Variants in ORMDL1 observed in about 807,000 individuals in gnomAD.
The protein encoded by ORMDL1 is ORMDL sphingolipid biosynthesis regulator 1.
In ORMDL1, 10 loss-of-function variants were observed where a neutral mutation model predicts 13.0. That is an observed-to-expected ratio of 0.77 (90% CI 0.47 to 1.30). ORMDL1 has a LOEUF of 1.30. Ranked by LOEUF, ORMDL1 falls within the 50% of genes most tolerant of loss-of-function variation. The pLI, the probability that ORMDL1 is intolerant of heterozygous loss-of-function variation, is 0.00. For synonymous variants in ORMDL1, 61 were observed against 63.9 expected (o/e 0.95, Z 0.22); for missense variants, 171 against 186.7 (o/e 0.92, Z 0.49).
At chr2:189,775,106 T>C (rs2047663603) in intron 4 of ORMDL1, 1 of 153,488 alleles carries the variant, frequency 6.5e-6, no homozygotes, top group Non-Finnish European at 1.4e-5. Context: ...CCCAGGTCTA[T>C]CCTATAATGA....
In ORMDL1 at chr2:189,770,313, G is replaced by A. The variant is rs981669311; in HGVS notation, c.*1454C>T. ...TAATTTTGATGACTAAATTTGGAGG[G>A]CTTTTGAAATAATATTACACCAACG... On this transcript the variant is annotated 3_prime_UTR_variant, in exon 5 of 5. Transcript: ENST00000392349. 1.3e-5 allele frequency: 2 copies of A among 152,006 alleles called. No individual in the cohort carries two copies. The highest frequency in any genetic ancestry group is 4.8e-5 in the African/African-American group (2 of 41,406). 9.4% of individuals were successfully genotyped at this position (152,006 alleles called of 1,614,324 possible).
chr2:189,768,760 A>C (rs1455043491), downstream of ORMDL1, among the ~76,000 whole-genome samples: 1 of 152,186 alleles, frequency 6.6e-6, no homozygotes, highest in East Asian at 1.9e-4. Context: ...AGCATATCTG[A>C]TCACCTCTTG....
chr2:189,776,424 C>T (rs892667473), intron 3 of ORMDL1, among the ~76,000 whole-genome samples: 1 of 152,002 alleles, frequency 6.6e-6, no homozygotes, highest in Non-Finnish European at 1.5e-5. Context: ...TAGAAAAAAA[C>T]CAATCTATAG....
At chr2:189,766,316 T>G (rs1396362743), downstream of ORMDL1, among the ~76,000 whole-genome samples, 1 of 152,252 alleles carries the variant, frequency 6.6e-6, no homozygotes, top group African/African-American at 2.4e-5. Context: ...CAATTTACCA[T>G]TTTGACCATT....
chr2:189,766,117 G>A (rs768398382), downstream of ORMDL1, among the ~76,000 whole-genome samples: 8 of 152,178 alleles, frequency 5.3e-5, no homozygotes, highest in African/African-American at 1.4e-4. Context: ...GAGCCACCAC[G>A]CCCAGCCCAT....
rs1183374048 is a variant in ORMDL1 at position 189,771,543 on chromosome 2, C to T, written c.*224G>A. The T allele has an allele frequency of 2.2e-5, 8 of 369,854 alleles. No individual in the cohort carries two copies. Among genetic ancestry groups the T allele is most frequent in the African/African-American group, 1.7e-4 (8 of 47,354 alleles). The allele number at this position is 369,854 out of a possible 1,614,324, so 22.9% of individuals were successfully genotyped here. ...TAACTTATAAGCTGGGCCTGCCCAG[C>T]CTGCTTATAAAGCCCCTCTTCAGAA... is the stretch of plus-strand genomic sequence containing the variant. On this transcript the variant is annotated 3_prime_UTR_variant, in exon 5 of 5. Coordinates refer to ENST00000392349, the MANE Select transcript of ORMDL1 (RefSeq NM_016467.5).
chr2:189,782,744 T>C, intron 2 of ORMDL1, 142 bp from the exon 3 acceptor site: 1 of 647,394 alleles, frequency 1.5e-6, no homozygotes, highest in Non-Finnish European at 2.6e-6. Flanking sequence ...ATCCAAAATA[T>C]GCTACTTGTA....
At chr2:189,782,345 A>C in intron 3 of ORMDL1, 77 bp downstream of exon 3, 1 of 1,344,922 alleles carries the variant, frequency 7.4e-7, no homozygotes, top group African/African-American at 1.5e-5. Flanking sequence ...ATAACTTTCC[A>C]TTCCTTCCTC....
rs1206375696 is a variant in ORMDL1, at chr2:189,771,733, T to C, written c.*34A>G. ...CACTCCTTCCTTATAAGAAATTCAG[T>C]AGCTGTAAAATTTTTTTTCAGTTTC... On this transcript the variant is annotated 3_prime_UTR_variant, in exon 5 of 5. Transcript: ENST00000392349. 8 of 1,538,878 alleles carry C rather than the reference T, an allele frequency of 5.2e-6. No individual in the cohort carries two copies.
chr2:189,777,249 T>G (rs886861365), intron 3 of ORMDL1, among the ~76,000 whole-genome samples: 4 of 152,204 alleles, frequency 2.6e-5, no homozygotes, highest in Admixed American at 6.5e-5. Context: ...CATTAGACAT[T>G]GGACACTTCC....
downstream of ORMDL1, among the ~76,000 whole-genome samples, chr2:189,768,342 CTA>C (rs1328459401): frequency 6.6e-6 from 1 of 152,204 alleles, no homozygotes; most frequent in Non-Finnish European, 1.5e-5. Flanking sequence ...GTTAGAAAGA[CTA>C]TTAAATTGCA....
chr2:189,780,226 A>C (rs2106155048), intron 3 of ORMDL1, among the ~76,000 whole-genome samples: 1 of 152,366 alleles, frequency 6.6e-6, no homozygotes, highest in South Asian at 2.1e-4. Flanking sequence ...TTTTAATTGC[A>C]ACCTGTCAGG....
chr2:189,766,646 C>T (rs534230210), downstream of ORMDL1, among the ~76,000 whole-genome samples: 75 of 152,188 alleles, frequency 4.9e-4, no homozygotes, highest in Non-Finnish European at 9.4e-4. Context: ...ATCACTTGAA[C>T]CTGGGAGGCA....
chr2:189,780,166 T>G (rs1447589209), intron 3 of ORMDL1, among the ~76,000 whole-genome samples: 1 of 152,116 alleles, frequency 6.6e-6, no homozygotes, highest in Non-Finnish European at 1.5e-5. Context: ...AAAGATAATT[T>G]TATATAGTAT....
Position 189,782,424 on chromosome 2 carries a change from G to A in ORMDL1, c.172C>T (p.Leu58=), listed in dbSNP as rs2047873674. 2 of 1,610,530 alleles carry A rather than the reference G, an allele frequency of 1.2e-6. No individual in the cohort carries two copies. The highest frequency in any genetic ancestry group is 2.7e-5 in the African/African-American group (2 of 74,850). ...AWTLTNIIHN[L]GMYVFLHAVK... ...TTAGTATAATGTGAAATTCTTACCA[G>A]ATTATGTATAATATTTGTTAAAGTC... Residue 58 remains leucine, a splice_region_variant and synonymous_variant, in exon 3 of 5, where the codon CTG becomes TTG. Coordinates refer to ENST00000392349, the MANE Select transcript of ORMDL1 (RefSeq NM_016467.5).
chr2:189,775,755 A>G, intron 3 of ORMDL1, 39 bp from the exon 4 acceptor site: 1 of 1,585,692 alleles, frequency 6.3e-7, no homozygotes, highest in South Asian at 1.1e-5. Context: ...ATCAATATTA[A>G]ATACAAAATT....
chr2:189,775,417 A>AT, intron 4 of ORMDL1, 148 bp downstream of exon 4: 1 of 820,288 alleles, frequency 1.2e-6, no homozygotes, highest in Non-Finnish European at 1.8e-6. Context: ...CTTGTTAAAA[A>AT]TTTTGTCTAT....
downstream of ORMDL1, among the ~76,000 whole-genome samples, chr2:189,768,815 G>C (rs560688208): frequency 2.6e-5 from 4 of 152,126 alleles, no homozygotes; most frequent in East Asian, 7.7e-4. Flanking sequence ...CTGGAACTTA[G>C]AGCAGAATTA....
rs1431474824 is a variant in ORMDL1, at chr2:189,770,985, T to A, written c.*782A>T. 1.3e-5 allele frequency: 2 copies of A among 152,216 alleles called. No homozygotes were observed. The highest frequency in any genetic ancestry group is 2.9e-5 in the Non-Finnish European group (2 of 68,024). The allele number at this position is 152,216 out of a possible 1,614,324, so 9.4% of individuals were successfully genotyped here. ...ATAAGCAGACACCTTTAAATTACCA[T>A]ATATTTTTTAGTTGCTTGAAAGAAA... is the stretch of plus-strand genomic sequence containing the variant. On this transcript the variant is annotated 3_prime_UTR_variant, in exon 5 of 5. Coordinates refer to ENST00000392349, the MANE Select transcript of ORMDL1 (RefSeq NM_016467.5).
Sources: gnomAD v4.1 joint callset for allele counts (sites outside exome capture counted in the v4.1 genomes callset) on GRCh38, gnomAD v4.1.1 for gene constraint, MANE v1.5 for transcripts, NCBI Gene and HGNC (gene_info 2026-07-23, HGNC 2026-07-21) for gene names.